The following APBA1 variants were observed in gnomAD, a reference collection of about 807,000 sequenced individuals.
APBA1 encodes the protein amyloid-beta A4 precursor protein-binding family A member 1.
A neutral mutation model predicts 86.6 loss-of-function variants in APBA1; 55 were observed. That is an observed-to-expected ratio of 0.64 (90% confidence interval 0.51 to 0.80). APBA1 has a LOEUF of 0.80. Ranked by LOEUF, APBA1 falls within the 30% of genes least tolerant of loss-of-function variation. The pLI, the probability that APBA1 is intolerant of heterozygous loss-of-function variation, is 0.00. For missense variants in APBA1, 1,090 were observed against 1,183.0 expected, an observed-to-expected ratio of 0.92 and a Z score of 1.15; for synonymous variants, 511 against 493.9, an observed-to-expected ratio of 1.03 and a Z score of -0.46.
rs150239090 is a variant in APBA1, at chr9:69,432,016, G to A, written c.2442+520C>T. Among the ~76,000 whole-genome samples the A allele has an allele frequency of 5.5e-3, 838 of 152,210 alleles. 4 individuals are homozygous for A. Among genetic ancestry groups the A allele is most frequent in the African/African-American group, 0.019 (798 of 41,514 alleles). ...AGCAGTGATGACTGACAGCAGTGATGAATGACAGCAGTGATGACTGACAGT... is the reference window on the plus strand; with the variant it reads ...AGCAGTGATGACTGACAGCAGTGATAAATGACAGCAGTGATGACTGACAGT... On this transcript the variant is annotated intron_variant, in intron 12 of 12. Transcript: ENST00000265381.
At chr9:69,580,378 A>G (rs73647257) in intron 1 of APBA1, among the ~76,000 whole-genome samples, 9,264 of 152,206 alleles carry the variant, frequency 0.061, 352 homozygotes, top group African/African-American at 0.094. Context: ...CAACCTTCAT[A>G]TTGAGCAGAG....
chr9:69,658,854 T>C (rs1327478459), intron 1 of APBA1, among the ~76,000 whole-genome samples: 3 of 152,114 alleles, frequency 2.0e-5, no homozygotes, highest in Non-Finnish European at 4.4e-5. Flanking sequence ...CTCTCTTAAC[T>C]GAAGACTGAC....
At chr9:69,581,717 C>A (rs1271405183) in intron 1 of APBA1, among the ~76,000 whole-genome samples, 1 of 152,124 alleles carries the variant, frequency 6.6e-6, no homozygotes, top group Non-Finnish European at 1.5e-5. Flanking sequence ...GACTATTGCA[C>A]TGAGGAAGAG....
chr9:69,457,093 A>G lies in APBA1; in HGVS notation c.1562T>C (p.Ile521Thr). ...CAGCACTTTGATTCTCTGGGTAGAA[A>G]TGAAGAGATCCACTTCAGTCATTGG... ...SQPMTEVDLF[I>T]STQRIKVLNA... Residue 521 changes from isoleucine (I) to threonine (T), a missense_variant, in exon 7 of 13, where the codon ATT (isoleucine) becomes ACT (threonine). Ile to Thr is a moderately conservative substitution (Grantham distance 89). Transcript: ENST00000265381. 2 of 1,614,224 alleles carry G rather than the reference A, an allele frequency of 1.2e-6. No individual in the cohort carries two copies. Among genetic ancestry groups the G allele is most frequent in the Admixed American group, 3.3e-5 (2 of 60,028 alleles).
intron 1 of APBA1, among the ~76,000 whole-genome samples, chr9:69,518,184 C>A (rs1420988543): frequency 6.6e-6 from 1 of 152,000 alleles, no homozygotes; most frequent in South Asian, 2.1e-4. Flanking sequence ...TACAGTATAA[C>A]AACAATTTAT....
chr9:69,600,568 G>A (rs984890364), intron 1 of APBA1, among the ~76,000 whole-genome samples: 5 of 152,108 alleles, frequency 3.3e-5, no homozygotes, highest in Non-Finnish European at 5.9e-5. Flanking sequence ...TGGGAGGGAG[G>A]TGGGTGGATC....
chr9:69,566,384 G>T (rs565857394), intron 1 of APBA1, among the ~76,000 whole-genome samples: 1 of 152,166 alleles, frequency 6.6e-6, no homozygotes, highest in Non-Finnish European at 1.5e-5. Flanking sequence ...TTCTACACCT[G>T]ATTGCAAGTT....
Position 69,516,175 on chromosome 9 carries a change from T to C in APBA1, c.1036A>G (p.Ile346Val). ...TTGATGTCCTTGATGGCCAGCGAGA[T>C]GGCATCGCGCTTCTCCTTGCTGTAC... The part of the protein sequence containing the change: ...QRYSKEKRDA[I>V]SLAIKDIKEA... The change falls in exon 2 of 13, where the codon ATC becomes GTC. Residue 346 changes from isoleucine (I) to valine (V), a missense_variant. This residue lies in a region of APBA1 where 678 missense variants were observed against 647.1 expected (regional missense o/e 1.05). Transcript: ENST00000265381. This position sits in a 1 kb window ranked among gnomAD's most constrained non-coding sequence, Gnocchi z 7.3. The C allele has an allele frequency of 6.2e-7, 1 of 1,610,750 alleles. No individual in the cohort carries two copies. Among genetic ancestry groups the C allele is most frequent in the Non-Finnish European group, 8.5e-7 (1 of 1,178,578 alleles).
intron 3 of APBA1, among the ~76,000 whole-genome samples, chr9:69,475,769 T>G (rs1334161389): frequency 2.6e-5 from 4 of 152,258 alleles, no homozygotes; most frequent in African/African-American, 4.8e-5. Flanking sequence ...GCAAATGCTC[T>G]GTAATCCACC....
chr9:69,476,617 C>T (rs988025309), intron 2 of APBA1, among the ~76,000 whole-genome samples: 2 of 151,628 alleles, frequency 1.3e-5, no homozygotes, highest in African/African-American at 4.8e-5. Context: ...GGCTAGAAAC[C>T]ATACCACCTG....
intron 1 of APBA1, among the ~76,000 whole-genome samples, chr9:69,621,520 C>T (rs1293825772): frequency 2.0e-5 from 3 of 152,180 alleles, no homozygotes; most frequent in Non-Finnish European, 4.4e-5. Flanking sequence ...GCTCTTGAGT[C>T]AGACTGCTCC....
intron 1 of APBA1, among the ~76,000 whole-genome samples, chr9:69,622,053 G>A: frequency 6.6e-6 from 1 of 152,136 alleles, no homozygotes; most frequent in East Asian, 1.9e-4. Context: ...AAATCAACTG[G>A]GGAGCTTTCC....
At chr9:69,665,541 C>T (rs1242496491) in intron 1 of APBA1, among the ~76,000 whole-genome samples, 2 of 152,102 alleles carry the variant, frequency 1.3e-5, no homozygotes, top group South Asian at 2.1e-4. Flanking sequence ...AATTCCTCTC[C>T]GTAAGTATTT....
chr9:69,584,942 T>C (rs1821989816), intron 1 of APBA1, among the ~76,000 whole-genome samples: 1 of 152,180 alleles, frequency 6.6e-6, no homozygotes, highest in Non-Finnish European at 1.5e-5. Context: ...ATTATCTCAT[T>C]TGGGTATAAT....
intron 5 of APBA1, chr9:69,464,541 G>C (rs141361277): frequency 1.3e-5 from 2 of 152,174 alleles, no homozygotes; most frequent in Non-Finnish European, 2.9e-5. Context: ...CTGATCAACA[G>C]AGCCATCTAA....
chr9:69,437,439 T>C, intron 11 of APBA1, among the ~76,000 whole-genome samples: 1 of 133,558 alleles, frequency 7.5e-6, no homozygotes, highest in Non-Finnish European at 1.6e-5. Context: ...CTATTAATTA[T>C]TGGCTCAATT....
chr9:69,469,499 G>A (rs1424444347), intron 4 of APBA1, among the ~76,000 whole-genome samples: 2 of 152,178 alleles, frequency 1.3e-5, no homozygotes, highest in East Asian at 3.9e-4. Context: ...AATTAAATAA[G>A]GAAGCCTGTT....
At chr9:69,667,405 C>T (rs1172789984) in intron 1 of APBA1, among the ~76,000 whole-genome samples, 2 of 151,972 alleles carry the variant, frequency 1.3e-5, no homozygotes, top group African/African-American at 4.8e-5. Flanking sequence ...TCCTAATTGA[C>T]TCACTGCTCT....
chr9:69,541,489 C>T (rs1226695809), intron 1 of APBA1, among the ~76,000 whole-genome samples: 1 of 151,280 alleles, frequency 6.6e-6, no homozygotes, highest in Admixed American at 6.6e-5. Flanking sequence ...TACCCATTGA[C>T]CATCTGTATG....
Sources: allele counts gnomAD v4.1 joint callset (sites outside exome capture counted in the v4.1 genomes callset), GRCh38; gene constraint gnomAD v4.1.1; regional missense constraint gnomAD v4.1.1; non-coding constraint Gnocchi (gnomAD v3.1); transcripts MANE v1.5; gene names NCBI Gene and HGNC (gene_info 2026-07-23, HGNC 2026-07-21).